The following CNGA1 variants were observed in gnomAD, a reference collection of about 807,000 sequenced individuals.
CNGA1 encodes cyclic nucleotide gated channel subunit alpha 1.
A neutral mutation model predicts 69.7 loss-of-function variants in CNGA1; 53 were observed. The ratio of observed to expected loss-of-function variants is 0.76; its 90% CI spans 0.61 to 0.96. CNGA1 has a LOEUF of 0.96. Among genes scored for constraint, CNGA1 ranks in the 40% least tolerant of loss-of-function variants. CNGA1 has a pLI of 0.00. For missense variants in CNGA1, 739 were observed against 811.2 expected, an observed-to-expected ratio of 0.91 and a Z score of 1.08; for synonymous variants, 249 against 283.5, an observed-to-expected ratio of 0.88 and a Z score of 1.22.
Position 47,987,029 on chromosome 4 carries a change from C to T in CNGA1, c.-122-5529G>A, listed in dbSNP as rs547068256. Among the ~76,000 whole-genome samples the T allele has an allele frequency of 2.3e-4, 35 of 152,202 alleles. 1 individual carries two copies. The highest frequency in any genetic ancestry group is 2.1e-4 in the South Asian group (1 of 4,818). ...GTTGTGTTGTGTTGTGTTTTCCCCT[C>T]CAAAGCATGATTAGCTTGACCCTGT... On this transcript the variant is annotated intron_variant, in intron 2 of 10. Transcript: ENST00000514170.
rs186678023 is a variant in CNGA1, at chr4:47,995,871, G to A, written c.-122-14371C>T. 3.5e-3 allele frequency among the ~76,000 whole-genome samples: 532 copies of A among 152,184 alleles called. 1 individual carries two copies. The highest frequency in any genetic ancestry group is 6.0e-3 in the Non-Finnish European group (407 of 67,994). On this transcript the variant is annotated intron_variant, in intron 2 of 10. Transcript: ENST00000514170. Reference sequence around the variant, plus strand: ...GTAGTACTCTCACCCTTTTCCTATGGATGTAGCTTCCTGAGAGCCAAGCTG... The same window carrying A: ...GTAGTACTCTCACCCTTTTCCTATGAATGTAGCTTCCTGAGAGCCAAGCTG...
intron 1 of CNGA1, among the ~76,000 whole-genome samples, chr4:48,011,303 A>AG (rs1184475278): frequency 6.8e-6 from 1 of 147,252 alleles, no homozygotes; most frequent in Non-Finnish European, 1.5e-5. Context: ...TAAGAAGAAA[A>AG]AAAATTACTA....
In CNGA1 at chr4:47,937,276, G is replaced by A; in HGVS notation, c.1206C>T (p.Ala402=). ...CAATTCTTGCTTGAAATTCTGCTCT[G>A]GCTGCATTCATGTTGGAAATCATAG... ...IGSMISNMNA[A]RAEFQARIDA... Residue 402 remains alanine (A), a synonymous_variant, in exon 11 of 11, where the codon GCC becomes GCT. Coordinates refer to ENST00000514170, the MANE Select transcript of CNGA1 (RefSeq NM_001379270.1). 6.2e-7 allele frequency: 1 copy of A among 1,613,858 alleles called. No homozygotes were observed. The highest frequency in any genetic ancestry group is 1.1e-5 in the South Asian group (1 of 91,072).
intron 3 of CNGA1, among the ~76,000 whole-genome samples, chr4:47,960,133 G>T (rs1328155787): frequency 6.6e-6 from 1 of 152,064 alleles, no homozygotes; most frequent in Non-Finnish European, 1.5e-5. Context: ...CCTAAAAGAA[G>T]ATATAAAAAT....
intron 2 of CNGA1, among the ~76,000 whole-genome samples, chr4:48,000,078 T>C (rs1044140139): frequency 2.0e-5 from 3 of 152,010 alleles, no homozygotes; most frequent in African/African-American, 7.3e-5. Context: ...ATGTAGATGA[T>C]AAAATCAGTG....
chr4:47,964,647 T>C (rs192179753), intron 3 of CNGA1, among the ~76,000 whole-genome samples: 1 of 152,218 alleles, frequency 6.6e-6, no homozygotes, highest in East Asian at 1.9e-4. Flanking sequence ...AATTAGCATT[T>C]AATCAATAAT....
rs747300096 is a variant in CNGA1, at chr4:47,971,083, C to T, written c.-15+10310G>A. Reference sequence around the variant, plus strand: ...TCGCGCCACTGCACTCCAGCCTGGGCGAAGAGCGAGACTCCATCTAAAAAA... The same window carrying T: ...TCGCGCCACTGCACTCCAGCCTGGGTGAAGAGCGAGACTCCATCTAAAAAA... On this transcript the variant is annotated intron_variant, in intron 3 of 10. Transcript: ENST00000514170. 16 of 450,444 alleles carry T rather than the reference C, an allele frequency of 3.6e-5. No individual in the cohort carries two copies. The highest frequency in any genetic ancestry group is 7.0e-5 in the East Asian group (1 of 14,308). The allele number at this position is 450,444 out of a possible 1,614,324, so 27.9% of individuals were successfully genotyped here.
intron 3 of CNGA1, among the ~76,000 whole-genome samples, chr4:47,974,110 AG>A (rs1741212161): frequency 3.8e-5 from 5 of 131,386 alleles, no homozygotes; most frequent in Non-Finnish European, 8.7e-5. Context: ...ATAGATAGAT[AG>A]ATAGATAGAT....
At position 47,990,194 on chromosome 4, in the gene CNGA1, G is replaced by T. The variant is rs114441544; in HGVS notation, c.-122-8694C>A. On this transcript the variant is annotated intron_variant, in intron 2 of 10. Transcript: ENST00000514170. ...TTTCAGGGAACGAGGGAGGATAAAG[G>T]TCTGACTGCCTGTGGGGTCAGGCAG... Among the ~76,000 whole-genome samples the T allele has an allele frequency of 7.1e-3, 1,087 of 152,222 alleles. 8 individuals carry two copies. Among genetic ancestry groups the T allele is most frequent in the African/African-American group, 0.025 (1,025 of 41,530 alleles).
intron 3 of CNGA1, among the ~76,000 whole-genome samples, chr4:47,959,412 T>C (rs1470382622): frequency 1.4e-5 from 2 of 143,810 alleles, no homozygotes; most frequent in Non-Finnish European, 3.1e-5. Context: ...TAAATTATCA[T>C]TTTAAAAGTA....
intron 2 of CNGA1, among the ~76,000 whole-genome samples, chr4:47,989,912 A>C (rs950120473): frequency 6.6e-6 from 1 of 151,818 alleles, no homozygotes; most frequent in African/African-American, 2.4e-5. Flanking sequence ...TAAATTGTGA[A>C]GATTTCATGG....
At chr4:47,977,828 A>ATTTTT (rs11415776) in intron 3 of CNGA1, among the ~76,000 whole-genome samples, 2 of 148,518 alleles carry the variant, frequency 1.3e-5, no homozygotes, top group Non-Finnish European at 1.5e-5. Flanking sequence ...CATTTAAGTG[A>ATTTTT]TTTTTTTTTT....
At chr4:47,973,111 A>G (rs1741133376) in intron 3 of CNGA1, among the ~76,000 whole-genome samples, 1 of 124,088 alleles carries the variant, frequency 8.1e-6, no homozygotes, top group African/African-American at 3.3e-5. Context: ...TCTGCCGCCC[A>G]GGCTGGAGTG....
At chr4:47,983,177 C>A (rs972023974) in intron 2 of CNGA1, among the ~76,000 whole-genome samples, 1 of 152,216 alleles carries the variant, frequency 6.6e-6, no homozygotes, top group Non-Finnish European at 1.5e-5. Flanking sequence ...ATCACTGGAT[C>A]TAAAAAAGTG....
chr4:47,941,978 G>A, intron 9 of CNGA1, 63 bp downstream of exon 9: 1 of 1,015,926 alleles, frequency 9.8e-7, no homozygotes, highest in South Asian at 1.4e-5. Context: ...TGTTTAGTCA[G>A]TGAACTTGGA....
chr4:47,992,657 A>ATTATTCATTTAT (rs1742320256), intron 2 of CNGA1, among the ~76,000 whole-genome samples: 1 of 145,256 alleles, frequency 6.9e-6, no homozygotes, highest in Non-Finnish European at 1.5e-5. Context: ...GATGCCATTT[A>ATTATTCATTTAT]TTATTTATTT....
chr4:47,977,192 A>T (rs537003283), intron 3 of CNGA1, among the ~76,000 whole-genome samples: 1 of 152,300 alleles, frequency 6.6e-6, no homozygotes, highest in Non-Finnish European at 1.5e-5. Context: ...CTTTAAAGAG[A>T]TGATTAAGTC....
At chr4:47,981,833 C>T (rs769605402) in intron 2 of CNGA1, among the ~76,000 whole-genome samples, 2 of 152,024 alleles carry the variant, frequency 1.3e-5, no homozygotes, top group African/African-American at 2.4e-5. Context: ...CCAACTTCAC[C>T]CAGGGTTATC....
At chr4:48,011,439 T>C (rs2109357059) in intron 1 of CNGA1, among the ~76,000 whole-genome samples, 1 of 152,156 alleles carries the variant, frequency 6.6e-6, no homozygotes, top group South Asian at 2.1e-4. Flanking sequence ...ACATCTTGGA[T>C]GTTAGCTTTT....
Sources: gnomAD v4.1 joint callset for allele counts (sites outside exome capture counted in the v4.1 genomes callset) on GRCh38, gnomAD v4.1.1 for gene constraint, MANE v1.5 for transcripts, NCBI Gene and HGNC (gene_info 2026-07-23, HGNC 2026-07-21) for gene names.